The following FCHSD2 variants were observed in gnomAD, a reference collection of about 807,000 sequenced individuals.
The protein encoded by FCHSD2 is FCH and double SH3 domains 2.
A neutral mutation model predicts 108.1 loss-of-function variants in FCHSD2; 38 were observed. The ratio of observed to expected loss-of-function variants is 0.35; its 90% confidence interval spans 0.27 to 0.46. The LOEUF (loss-of-function observed/expected upper bound fraction) is 0.46, where lower values mean the gene tolerates loss of function less well. Among genes scored for constraint, FCHSD2 ranks in the 20% least tolerant of loss-of-function variants. The pLI is 1.00. For missense variants in FCHSD2, 751 were observed against 897.8 expected (o/e 0.84, Z 2.09); for synonymous variants, 279 against 314.7 (o/e 0.89, Z 1.20).
chr11:72,940,076 G>C (rs1305758727), intron 8 of FCHSD2, among the ~76,000 whole-genome samples: 1 of 152,176 alleles, frequency 6.6e-6, no homozygotes, highest in Non-Finnish European at 1.5e-5. Flanking sequence ...AAATTGAAAA[G>C]GCATTTGTGA....
At chr11:72,879,004 G>A (rs1486841221) in intron 12 of FCHSD2, among the ~76,000 whole-genome samples, 1 of 152,056 alleles carries the variant, frequency 6.6e-6, no homozygotes, top group Admixed American at 6.5e-5. Context: ...CAGCTACTTG[G>A]GAAGCTGAGG....
At chr11:73,071,418 G>A (rs550092834) in intron 3 of FCHSD2, among the ~76,000 whole-genome samples, 64 of 152,062 alleles carry the variant, frequency 4.2e-4, no homozygotes, top group African/African-American at 8.0e-4. Flanking sequence ...AGGACTGGGC[G>A]CAGTGGCTCA....
At chr11:73,035,300 A>G (rs765426635) in intron 3 of FCHSD2, among the ~76,000 whole-genome samples, 1 of 151,958 alleles carries the variant, frequency 6.6e-6, no homozygotes, top group African/African-American at 2.4e-5. Context: ...GGCTCAAGAG[A>G]GTAGCTGGCA....
chr11:72,849,750 C>T lies in FCHSD2; in HGVS notation c.1443+5G>A. 2 of 1,605,748 alleles carry T rather than the reference C, an allele frequency of 1.2e-6. No individual in the cohort carries two copies. The highest frequency in any genetic ancestry group is 8.5e-7 in the Non-Finnish European group (1 of 1,173,944). On this transcript the variant is annotated splice_donor_5th_base_variant and intron_variant, in intron 14 of 19. Coordinates refer to ENST00000409418, the MANE Select transcript of FCHSD2 (RefSeq NM_014824.3). ...TTAATAACATTATGTTGGAGAAATA[C>T]AAACCTTGTAGGAATAAACAACTTT...
Position 73,108,553 on chromosome 11 carries a change from T to G in FCHSD2, c.120-24813A>C, listed in dbSNP as rs866990995. On this transcript the variant is annotated intron_variant, in intron 2 of 19. Coordinates refer to ENST00000409418, the MANE Select transcript of FCHSD2 (RefSeq NM_014824.3). ...ATAGATTGAGATTTTAGATTTAAGT[T>G]TTTTTTTTTGTTTGTTTTTTGTTTT... Among the ~76,000 whole-genome samples, 20 of 11,436 alleles carry G rather than the reference T, an allele frequency of 1.7e-3. 1 individual carries two copies. Among genetic ancestry groups the G allele is most frequent in the Middle Eastern group, 0.059 (2 of 34 alleles). The allele number at this position is 11,436 out of a possible 152,430, so 7.5% of individuals were successfully genotyped here.
chr11:73,028,564 T>A (rs1197344624), intron 3 of FCHSD2, among the ~76,000 whole-genome samples: 1 of 152,176 alleles, frequency 6.6e-6, no homozygotes, highest in African/African-American at 2.4e-5. Context: ...TGGGATAATG[T>A]TGGCATGAGT....
chr11:73,070,757 G>T (rs1229792419), intron 3 of FCHSD2, among the ~76,000 whole-genome samples: 1 of 151,482 alleles, frequency 6.6e-6, no homozygotes, highest in East Asian at 1.9e-4. Flanking sequence ...AAAAGAAATT[G>T]AACAAGTTAT....
chr11:72,888,902 G>A (rs781255577), intron 11 of FCHSD2, among the ~76,000 whole-genome samples: 31 of 152,234 alleles, frequency 2.0e-4, no homozygotes, highest in Non-Finnish European at 3.4e-4. Context: ...GATTACAGGC[G>A]TGAGCCACTG....
intron 3 of FCHSD2, among the ~76,000 whole-genome samples, chr11:73,083,026 T>G (rs938242806): frequency 9.2e-5 from 14 of 152,194 alleles, no homozygotes; most frequent in African/African-American, 3.4e-4. Flanking sequence ...ATTATTACTC[T>G]TTATCAACAC....
At chr11:72,896,665 A>G (rs1160333345) in intron 10 of FCHSD2, among the ~76,000 whole-genome samples, 1 of 150,262 alleles carries the variant, frequency 6.7e-6, no homozygotes, top group Non-Finnish European at 1.5e-5. Context: ...GTTGAGAGCT[A>G]GGGATCATGA....
At chr11:73,132,084 A>C (rs1861016997) in intron 2 of FCHSD2, among the ~76,000 whole-genome samples, 1 of 152,182 alleles carries the variant, frequency 6.6e-6, no homozygotes, top group Non-Finnish European at 1.5e-5. Flanking sequence ...GATTGCTGAT[A>C]CCCATCCCGC....
At chr11:73,013,347 C>T (rs1389685473) in intron 4 of FCHSD2, among the ~76,000 whole-genome samples, 1 of 152,206 alleles carries the variant, frequency 6.6e-6, no homozygotes, top group Non-Finnish European at 1.5e-5. Context: ...TAAGACCTGG[C>T]TCTACAAGCC....
intron 2 of FCHSD2, among the ~76,000 whole-genome samples, chr11:73,137,200 A>T (rs1381523029): frequency 6.6e-6 from 1 of 152,176 alleles, no homozygotes; most frequent in Non-Finnish European, 1.5e-5. Flanking sequence ...TGTCTTTGAA[A>T]AAAAAAAGCA....
chr11:73,004,507 C>T (rs1159112613), intron 4 of FCHSD2, among the ~76,000 whole-genome samples: 1 of 152,142 alleles, frequency 6.6e-6, no homozygotes, highest in African/African-American at 2.4e-5. Context: ...TTGGTCCTAC[C>T]CCCTTTCCAT....
At chr11:73,039,790 T>C (rs534112908) in intron 3 of FCHSD2, among the ~76,000 whole-genome samples, 1 of 152,354 alleles carries the variant, frequency 6.6e-6, no homozygotes, top group African/African-American at 2.4e-5. Flanking sequence ...TGACTTTAAG[T>C]GTTTAATTAT....
chr11:72,943,032 C>T (rs1383502439), intron 8 of FCHSD2, among the ~76,000 whole-genome samples: 1 of 152,126 alleles, frequency 6.6e-6, no homozygotes, highest in African/African-American at 2.4e-5. Flanking sequence ...GCTCTTGTTG[C>T]TCACGCTGGA....
At chr11:73,119,166 G>C (rs1860673499) in intron 2 of FCHSD2, among the ~76,000 whole-genome samples, 1 of 152,012 alleles carries the variant, frequency 6.6e-6, no homozygotes, top group Non-Finnish European at 1.5e-5. Flanking sequence ...GCCAGGCATA[G>C]TGGCACATGC....
intron 8 of FCHSD2, among the ~76,000 whole-genome samples, chr11:72,952,005 T>C (rs1051520350): frequency 6.6e-6 from 1 of 152,222 alleles, no homozygotes; most frequent in Admixed American, 6.5e-5. Context: ...ACAGGCACAC[T>C]TCAGGGCATT....
chr11:73,007,780 A>G (rs1347989984), intron 4 of FCHSD2, among the ~76,000 whole-genome samples: 2 of 152,198 alleles, frequency 1.3e-5, no homozygotes, highest in Non-Finnish European at 2.9e-5. Context: ...TGTGTATAAA[A>G]CTAACGAATT....
Sources: gnomAD v4.1 joint callset for allele counts (sites outside exome capture counted in the v4.1 genomes callset) on GRCh38, gnomAD v4.1.1 for gene constraint, MANE v1.5 for transcripts, NCBI Gene and HGNC (gene_info 2026-07-23, HGNC 2026-07-21) for gene names.